DYM: variants seen among roughly 807,000 people sequenced by gnomAD.
The protein encoded by DYM is dymeclin, also known as dyggve-Melchior-Clausen syndrome protein.
A neutral mutation model predicts 93.1 loss-of-function variants in DYM; 78 were observed. The ratio of observed to expected loss-of-function variants is 0.84; its 90% CI spans 0.70 to 1.01. The LOEUF is 1.01. Ranked by LOEUF, DYM falls within the 50% of genes least tolerant of loss-of-function variation. The pLI is 0.00. For synonymous variants in DYM, 321 were observed against 319.7 expected (o/e 1.00, Z -0.04); for missense variants, 789 against 845.0 (o/e 0.93, Z 0.82).
intron 1 of DYM, among the ~76,000 whole-genome samples, chr18:49,456,688 A>C (rs1307048850): frequency 1.3e-5 from 2 of 152,208 alleles, no homozygotes; most frequent in African/African-American, 4.8e-5. Context: ...ACTTTTACTA[A>C]ATAAGACCTA....
chr18:49,062,790 C>T (rs1027385719), intron 17 of DYM, among the ~76,000 whole-genome samples: 3 of 152,330 alleles, frequency 2.0e-5, no homozygotes, highest in East Asian at 1.9e-4. Flanking sequence ...TAGAAAAAGT[C>T]GCTCCCCTTC....
intron 17 of DYM, among the ~76,000 whole-genome samples, chr18:49,052,704 C>T (rs989585084): frequency 6.6e-6 from 1 of 152,272 alleles, no homozygotes; most frequent in Non-Finnish European, 1.5e-5. Flanking sequence ...ATCCGTCTGG[C>T]TCTTCTCTGC....
At chr18:49,242,917 GTC>G in intron 13 of DYM, among the ~76,000 whole-genome samples, 1 of 152,194 alleles carries the variant, frequency 6.6e-6, no homozygotes, top group East Asian at 1.9e-4. Context: ...AGCCAGGATG[GTC>G]TCGATCTCCT....
At chr18:49,400,450 T>G (rs964209785) in intron 2 of DYM, among the ~76,000 whole-genome samples, 20 of 152,038 alleles carry the variant, frequency 1.3e-4, no homozygotes, top group African/African-American at 4.8e-4. Context: ...ATCAACACTT[T>G]AGAGCAGAAG....
At position 49,213,390 on chromosome 18, in the gene DYM, G is replaced by A. The variant is rs1211892439; in HGVS notation, c.1461-3675C>T. On this transcript the variant is annotated intron_variant, in intron 13 of 17. Transcript: ENST00000675505. ...CGGCTCACTGCAACCTCCGCCTCCC[G>A]GGTTCAAGCAATTCTACCGGGTTCA... Among the ~76,000 whole-genome samples, 6 of 150,846 alleles carry A rather than the reference G, an allele frequency of 4.0e-5. No individual in the cohort carries two copies. The East Asian group carries it at 7.8e-4, about 20-fold the overall frequency.
At chr18:49,430,922 C>T (rs2080267902) in intron 1 of DYM, among the ~76,000 whole-genome samples, 1 of 151,474 alleles carries the variant, frequency 6.6e-6, no homozygotes, top group Admixed American at 6.6e-5. Flanking sequence ...TAACACCTGT[C>T]TTAGCCAATA....
At chr18:49,301,491 A>G (rs2060929967) in intron 8 of DYM, among the ~76,000 whole-genome samples, 1 of 150,852 alleles carries the variant, frequency 6.6e-6, no homozygotes, top group South Asian at 2.1e-4. Flanking sequence ...ACTGCGCTCC[A>G]GCCTGGGTGA....
chr18:49,365,034 G>A (rs999465918), intron 5 of DYM, among the ~76,000 whole-genome samples: 3 of 152,052 alleles, frequency 2.0e-5, no homozygotes, highest in African/African-American at 7.3e-5. Context: ...TATACTTCTA[G>A]AGGATGATGA....
chr18:49,097,645 C>T, intron 16 of DYM, 130 bp from the exon 17 acceptor site: 1 of 825,974 alleles, frequency 1.2e-6, no homozygotes, highest in South Asian at 1.5e-5. Context: ...AATTCACTAG[C>T]CCTCCTAAAC....
At chr18:49,094,777 A>G (rs2079391795) in intron 17 of DYM, among the ~76,000 whole-genome samples, 1 of 152,228 alleles carries the variant, frequency 6.6e-6, no homozygotes, top group Non-Finnish European at 1.5e-5. Context: ...TTGGAAGAAT[A>G]CTACTTCTAC....
At chr18:49,265,561 C>T (rs1463603459) in intron 11 of DYM, among the ~76,000 whole-genome samples, 1 of 151,670 alleles carries the variant, frequency 6.6e-6, no homozygotes, top group Non-Finnish European at 1.5e-5. Context: ...AGTGAATCAC[C>T]TGAGGTCGCG....
chr18:49,316,698 C>T lies in DYM; in HGVS notation c.763+15166G>A, dbSNP rs556292824. 2.0e-3 allele frequency among the ~76,000 whole-genome samples: 305 copies of T among 152,282 alleles called. 2 individuals carry two copies. The highest frequency in any genetic ancestry group is 3.7e-3 in the Non-Finnish European group (249 of 68,022). On this transcript the variant is annotated intron_variant, in intron 8 of 17. Coordinates refer to ENST00000675505, the MANE Select transcript of DYM (RefSeq NM_001353214.3). The stretch of plus-strand genomic sequence containing the variant: ...TTGCTGCCCCAAAATGCTCTGTGCT[C>T]TACCTACTTATGTATCTTCTCCTCC...
intron 13 of DYM, among the ~76,000 whole-genome samples, chr18:49,216,301 G>C (rs148565981): frequency 0.041 from 6,169 of 152,268 alleles, 403 homozygotes; most frequent in African/African-American, 0.14. Flanking sequence ...GCCTGCCTTT[G>C]TAGGCTCCAC....
intron 17 of DYM, among the ~76,000 whole-genome samples, chr18:49,080,429 A>G (rs2077805283): frequency 8.3e-6 from 1 of 120,656 alleles, no homozygotes; most frequent in Non-Finnish European, 1.7e-5. Flanking sequence ...CTGGCCCGGC[A>G]GAGGGGCTCC....
At chr18:49,273,172 A>G (rs1306235739) in intron 10 of DYM, among the ~76,000 whole-genome samples, 2 of 152,174 alleles carry the variant, frequency 1.3e-5, no homozygotes, top group African/African-American at 4.8e-5. Context: ...TATTGCAGGA[A>G]GCTTTTAAAA....
intron 15 of DYM, among the ~76,000 whole-genome samples, chr18:49,154,403 GT>G (rs1555782131): frequency 6.6e-6 from 1 of 151,520 alleles, no homozygotes; most frequent in African/African-American, 2.4e-5. Flanking sequence ...ATTCATTTTT[GT>G]TTTTTTTGAG....
Position 49,373,219 on chromosome 18 carries a change from G to A in DYM, c.421+5348C>T, listed in dbSNP as rs549489058. Among the ~76,000 whole-genome samples, 408 of 152,212 alleles carry A rather than the reference G, an allele frequency of 2.7e-3. 1 individual carries two copies. Among genetic ancestry groups the A allele is most frequent in the Non-Finnish European group, 4.6e-3 (314 of 67,998 alleles). On this transcript the variant is annotated intron_variant, in intron 5 of 17. Coordinates refer to ENST00000675505, the MANE Select transcript of DYM (RefSeq NM_001353214.3). ...CCAAGACAGGGTTCTTGGATCTCGT[G>A]CAAGAAAGAATTCAGGACTAGTCCG...
intron 2 of DYM, among the ~76,000 whole-genome samples, chr18:49,407,431 T>A (rs1419249762): frequency 1.3e-5 from 2 of 152,216 alleles, no homozygotes; most frequent in African/African-American, 2.4e-5. Context: ...TCAAGCTGTA[T>A]AAGAAGCATG....
Position 49,363,175 on chromosome 18 carries a change from A to C in DYM, c.480T>G (p.Thr160=), listed in dbSNP as rs770852460. The change falls in exon 6 of 18, where the codon ACT becomes ACG. Residue 160 remains threonine, a synonymous_variant. Coordinates refer to ENST00000675505, the MANE Select transcript of DYM (RefSeq NM_001353214.3). ...CCAGAACTTACAAGAGTGGAATATC[A>C]GTGATCAACTGCATCAAACAGCACA... ...ELLCCLMQLI[T]DIPLLDITYE... 6 of 1,613,432 alleles carry C rather than the reference A, an allele frequency of 3.7e-6. No individual in the cohort carries two copies. The highest frequency in any genetic ancestry group is 5.1e-6 in the Non-Finnish European group (6 of 1,179,528).
Sources: gnomAD v4.1 joint callset for allele counts (sites outside exome capture counted in the v4.1 genomes callset) on GRCh38, gnomAD v4.1.1 for gene constraint, MANE v1.5 for transcripts, NCBI Gene and HGNC (gene_info 2026-07-23, HGNC 2026-07-21) for gene names.